ZNF280B: variants seen among roughly 807,000 people sequenced by gnomAD.
ZNF280B encodes suppressor of hairy wing homolog 2.
ZNF280B carries 16 observed loss-of-function variants against 38.0 expected under a neutral mutation model. The observed-to-expected ratio is 0.42, with a 90% CI of 0.28 to 0.64. The LOEUF is 0.64. ZNF280B is among the 30% of genes least tolerant of loss of function. ZNF280B has a pLI of 0.21. For synonymous variants in ZNF280B, 253 were observed against 230.6 expected, an observed-to-expected ratio of 1.10 and a Z score of -0.88; for missense variants, 581 against 639.6, an observed-to-expected ratio of 0.91 and a Z score of 0.99.
chr22:22,491,462 T>C lies in ZNF280B; in HGVS notation c.-68-1996A>G, dbSNP rs1439475382. 1.2e-4 allele frequency among the ~76,000 whole-genome samples: 18 copies of C among 145,018 alleles called. No individual in the cohort carries two copies. The East Asian group carries it at 1.4e-3, about 11-fold the overall frequency. On this transcript the variant is annotated intron_variant, in intron 3 of 3. Transcript: ENST00000626650. ...TCATTTTTCTTGTCTTTTTTCTTTT[T>C]TTTTTTTTTTTTTTGAGACGGAGTC...
chr22:22,485,230 T>C lies in ZNF280B; in HGVS notation c.*2537A>G, dbSNP rs1039234245. 1 of 151,946 alleles carries C rather than the reference T, an allele frequency of 6.6e-6. No individual in the cohort carries two copies. Among genetic ancestry groups the C allele is most frequent in the African/African-American group, 2.4e-5 (1 of 41,366 alleles). The allele number at this position is 151,946 out of a possible 1,614,324, so 9.4% of individuals were successfully genotyped here. A position where few individuals can be genotyped will look rare whatever the true frequency, so the allele number is the denominator to read the frequency against. ...TTTAATGAGACTGCAAACAACAGTG[T>C]TGATAATACCAACCAATCACTCAAC... On this transcript the variant is annotated 3_prime_UTR_variant, in exon 4 of 4. Transcript: ENST00000626650.
rs2061545600 is a variant in ZNF280B at position 22,489,177 on chromosome 22, C to T, written c.222G>A (p.Lys74=). 6.2e-7 allele frequency: 1 copy of T among 1,613,620 alleles called. No homozygotes were observed. The highest frequency in any genetic ancestry group is 8.5e-7 in the Non-Finnish European group (1 of 1,179,936). ...CAGTATCTTTTCTAAGGTGATCATA[C>T]TTTTTTCTCCTTGACCATGAACCCG... ...VTPGSWSRRK[K]YDHLRKDTAR... Residue 74 remains lysine (K), a synonymous_variant, in exon 4 of 4, where the codon AAG becomes AAA. Coordinates refer to ENST00000626650, the MANE Select transcript of ZNF280B (RefSeq NM_080764.4).
intron 2 of ZNF280B, among the ~76,000 whole-genome samples, chr22:22,500,260 G>A (rs888751294): frequency 9.2e-5 from 14 of 151,558 alleles, no homozygotes; most frequent in Non-Finnish European, 1.9e-4. Flanking sequence ...TTGAAAGCAG[G>A]GTCTCGAAGA....
intron 3 of ZNF280B, among the ~76,000 whole-genome samples, chr22:22,492,449 G>T: frequency 6.6e-6 from 1 of 151,862 alleles, no homozygotes; most frequent in Non-Finnish European, 1.5e-5. Context: ...AGTCCCCCAG[G>T]GTGGCAACTA....
intron 2 of ZNF280B, among the ~76,000 whole-genome samples, chr22:22,505,882 G>C (rs779106086): frequency 6.6e-5 from 10 of 152,122 alleles, no homozygotes; most frequent in Non-Finnish European, 1.3e-4. Context: ...ATTTCATTAG[G>C]ATTGCTGTGG....
In ZNF280B at chr22:22,484,527, G is replaced by A. The variant is rs908387694; in HGVS notation, c.*3240C>T. ...CCTGAAAGAACAAGCGAGCAAAATA[G>A]ACAAGGAAATTCACAAAGGGCAATA... On this transcript the variant is annotated 3_prime_UTR_variant, in exon 4 of 4. Coordinates refer to ENST00000626650, the MANE Select transcript of ZNF280B (RefSeq NM_080764.4). 8 of 152,252 alleles carry A rather than the reference G, an allele frequency of 5.3e-5. No homozygotes were observed. Among genetic ancestry groups the A allele is most frequent in the African/African-American group, 1.9e-4 (8 of 41,338 alleles). 9.4% of individuals were successfully genotyped at this position (152,252 alleles called of 1,614,324 possible).
At position 22,487,647 on chromosome 22, in the gene ZNF280B, T is replaced by C. The variant is rs534998466; in HGVS notation, c.*120A>G. 83 of 756,790 alleles carry C rather than the reference T, an allele frequency of 1.1e-4. No individual in the cohort carries two copies. The East Asian group carries it at 1.8e-3, about 16-fold the overall frequency. The allele number at this position is 756,790 out of a possible 1,614,324, so 46.9% of individuals were successfully genotyped here. On this transcript the variant is annotated 3_prime_UTR_variant, in exon 4 of 4. Coordinates refer to ENST00000626650, the MANE Select transcript of ZNF280B (RefSeq NM_080764.4). ...CCTGAATCTTGTTTAAAAAGTCATA[T>C]ATAATCCACTAGTTTCACTATTTTT...
At chr22:22,492,714 G>A (rs2061619632) in intron 3 of ZNF280B, among the ~76,000 whole-genome samples, 1 of 151,624 alleles carries the variant, frequency 6.6e-6, no homozygotes, top group African/African-American at 2.4e-5. Flanking sequence ...GTGAAACCCT[G>A]TCTCTACTAA....
At chr22:22,506,302 G>T (rs192753037) in intron 2 of ZNF280B, among the ~76,000 whole-genome samples, 199 of 150,972 alleles carry the variant, frequency 1.3e-3, no homozygotes, top group Non-Finnish European at 2.2e-3. Context: ...AGAAGGAGCT[G>T]GTAAAGGAAA....
chr22:22,489,660 T>C (rs2061554273), intron 3 of ZNF280B, among the ~76,000 whole-genome samples, 194 bp from the exon 4 acceptor site: 1 of 149,156 alleles, frequency 6.7e-6, no homozygotes, highest in Non-Finnish European at 1.5e-5. Context: ...GCTGTACTGA[T>C]TGTGCTCTAT....
At chr22:22,496,810 A>T (rs2146806077) in intron 2 of ZNF280B, among the ~76,000 whole-genome samples, 1 of 145,558 alleles carries the variant, frequency 6.9e-6, no homozygotes, top group South Asian at 2.3e-4. Context: ...AGTGAGTGGG[A>T]TCTACTCTTT....
chr22:22,487,947 T>C lies in ZNF280B; in HGVS notation c.1452A>G (p.Gln484=). 6.2e-7 allele frequency: 1 copy of C among 1,613,820 alleles called. No homozygotes were observed. The highest frequency in any genetic ancestry group is 8.5e-7 in the Non-Finnish European group (1 of 1,179,948). The part of the protein sequence containing the change: ...EKMEHKTQCH[Q]MFKKPKQLEG... ...CTAGTTGCTTAGGCTTCTTAAACAT[T>C]TGATGACACTGGGTCTTGTGCTCCA... The change falls in exon 4 of 4, where the codon CAA becomes CAG. Residue 484 remains glutamine (Q), a synonymous_variant. Coordinates refer to ENST00000626650, the MANE Select transcript of ZNF280B (RefSeq NM_080764.4).
In ZNF280B at chr22:22,489,426, G is replaced by T; in HGVS notation, c.-28C>A. 6.4e-7 allele frequency: 1 copy of T among 1,556,952 alleles called. No individual in the cohort carries two copies. The highest frequency in any genetic ancestry group is 8.6e-7 in the Non-Finnish European group (1 of 1,156,430). On this transcript the variant is annotated 5_prime_UTR_variant, in exon 4 of 4. Coordinates refer to ENST00000626650, the MANE Select transcript of ZNF280B (RefSeq NM_080764.4). ...TCTAATTTTTTTATTCCTGAATGGT[G>T]GGGCCACAAGTCCCAATGCTTCCTT...
At position 22,498,793 on chromosome 22, in the gene ZNF280B, C is replaced by CTTTTTTTTTTT. The variant is rs60940298; in HGVS notation, c.-186-4624_-186-4614dup. Among the ~76,000 whole-genome samples the CTTTTTTTTTTT allele has an allele frequency of 2.9e-4, 24 of 83,654 alleles. 1 individual carries two copies. Among genetic ancestry groups the CTTTTTTTTTTT allele is most frequent in the African/African-American group, 5.0e-4 (10 of 19,844 alleles). The allele number at this position is 83,654 out of a possible 152,430, so 54.9% of individuals were successfully genotyped here. ...AAAAAGAAAACTACAGGCCAATATCCTTTTTTTTTTTTTTTTTTTTTGGAG... is the reference window on the plus strand; with the variant it reads ...AAAAAGAAAACTACAGGCCAATATCCTTTTTTTTTTTTTTTTTTTTTTTTTTTTTTTTGGAG... On this transcript the variant is annotated intron_variant, in intron 2 of 3. Transcript: ENST00000626650.
rs773212274 is a variant in ZNF280B, at chr22:22,487,926, T to A, written c.1473A>T (p.Gln491His). The A allele has an allele frequency of 6.2e-7, 1 of 1,613,716 alleles. No individual in the cohort carries two copies. Among genetic ancestry groups the A allele is most frequent in the Non-Finnish European group, 8.5e-7 (1 of 1,179,934 alleles). The change falls in exon 4 of 4, where the codon CAA becomes CAT. Residue 491 changes from glutamine to histidine, a missense_variant. Physicochemically the swap from Gln to His is conservative, Grantham distance 24. Coordinates refer to ENST00000626650, the MANE Select transcript of ZNF280B (RefSeq NM_080764.4). ...QCHQMFKKPK[Q>H]LEGLPPETKV... is the part of the protein sequence containing the mutation. ...TTGTTTCAGGAGGTAATCCTTCTAG[T>A]TGCTTAGGCTTCTTAAACATTTGAT...
rs1034345769 is a variant in ZNF280B at position 22,484,716 on chromosome 22, G to A, written c.*3051C>T. The A allele has an allele frequency of 5.3e-5, 8 of 152,244 alleles. No individual in the cohort carries two copies. The highest frequency in any genetic ancestry group is 1.9e-4 in the African/African-American group (8 of 41,360). 9.4% of individuals were successfully genotyped at this position (152,244 alleles called of 1,614,324 possible). A position where few individuals can be genotyped will look rare whatever the true frequency, so the allele number is the denominator to read the frequency against. ...CAGGCACAGAAATTGACTCAAGCTA[G>A]CTCAATTCTAAGACAGAAGCAAAGC... is the stretch of plus-strand genomic sequence containing the variant. On this transcript the variant is annotated 3_prime_UTR_variant, in exon 4 of 4. Coordinates refer to ENST00000626650, the MANE Select transcript of ZNF280B (RefSeq NM_080764.4).
In ZNF280B at chr22:22,484,887, T is replaced by C. The variant is rs944960097; in HGVS notation, c.*2880A>G. On this transcript the variant is annotated 3_prime_UTR_variant, in exon 4 of 4. Coordinates refer to ENST00000626650, the MANE Select transcript of ZNF280B (RefSeq NM_080764.4). ...TTTTTTTTTTAAAGGGAGATCTCATTGTCAGTGGCATTTTAAGAGCCTTGA... is the reference window on the plus strand; with the variant it reads ...TTTTTTTTTTAAAGGGAGATCTCATCGTCAGTGGCATTTTAAGAGCCTTGA... 6.6e-6 allele frequency: 1 copy of C among 152,002 alleles called. No homozygotes were observed. Among genetic ancestry groups the C allele is most frequent in the African/African-American group, 2.4e-5 (1 of 41,280 alleles). 9.4% of individuals were successfully genotyped at this position (152,002 alleles called of 1,614,324 possible). A position where few individuals can be genotyped will look rare whatever the true frequency, so the allele number is the denominator to read the frequency against.
rs778433979 is a variant in ZNF280B, at chr22:22,488,882, T to C, written c.517A>G (p.Lys173Glu). The C allele has an allele frequency of 6.2e-7, 1 of 1,613,758 alleles. No individual in the cohort carries two copies. Residue 173 changes from lysine (K) to glutamate (E), a missense_variant, in exon 4 of 4, where the codon AAG (lysine) becomes GAG (glutamate). Physicochemically the swap from Lys to Glu is moderately conservative, Grantham distance 56. Transcript: ENST00000626650. The stretch of plus-strand genomic sequence containing the variant: ...TTTACTTCGAAAGTGGAAAGTTGCT[T>C]TGATACACGAGGACTTTCATTTATA... ...GGINESPRVS[K>E]QLSTFEVNSI...
At chr22:22,495,268 C>A (rs1223172185) in intron 2 of ZNF280B, among the ~76,000 whole-genome samples, 4 of 151,892 alleles carry the variant, frequency 2.6e-5, no homozygotes. Flanking sequence ...CTCAGTCTAC[C>A]TTTTTGAATT....
Sources: gnomAD v4.1 joint callset for allele counts (sites outside exome capture counted in the v4.1 genomes callset) on GRCh38, gnomAD v4.1.1 for gene constraint, MANE v1.5 for transcripts, NCBI Gene and HGNC (gene_info 2026-07-23, HGNC 2026-07-21) for gene names.